The following OCLN variants were observed in gnomAD, a reference collection of about 807,000 sequenced individuals.
OCLN encodes occludin.
OCLN carries 21 observed loss-of-function variants against 47.9 expected under a neutral mutation model. That is an observed-to-expected ratio of 0.44 (90% CI 0.31 to 0.63). The LOEUF is 0.63. Ranked by LOEUF, OCLN falls within the 30% of genes least tolerant of loss-of-function variation. The pLI is 0.08. For missense variants in OCLN, 360 were observed against 571.0 expected (o/e 0.63, Z 3.77); for synonymous variants, 117 against 198.4 (o/e 0.59, Z 3.45).
intron 4 of OCLN, 40 bp downstream of exon 4, chr5:69,514,149 C>A: frequency 6.4e-7 from 1 of 1,566,110 alleles, no homozygotes; most frequent in Non-Finnish European, 8.8e-7. Context: ...TTATTAAAGC[C>A]CCAAATTTGT....
At position 69,554,639 on chromosome 5, in the gene OCLN, G is replaced by A. The variant is rs1208419775; in HGVS notation, c.*968G>A. ...AAAACCACACTCAGGAGTTGTATCT[G>A]TTGTTGTTTATACTCCTTTGGATGC... is the stretch of plus-strand genomic sequence containing the variant. On this transcript the variant is annotated 3_prime_UTR_variant, in exon 9 of 9. Transcript: ENST00000396442. 7 of 151,974 alleles carry A rather than the reference G, an allele frequency of 4.6e-5. No individual in the cohort carries two copies. The highest frequency in any genetic ancestry group is 1.4e-4 in the African/African-American group (6 of 41,410). The allele number at this position is 151,974 out of a possible 1,614,324, so 9.4% of individuals were successfully genotyped here.
At chr5:69,520,648 G>A (rs1769110658) in intron 4 of OCLN, among the ~76,000 whole-genome samples, 1 of 151,832 alleles carries the variant, frequency 6.6e-6, no homozygotes, top group Non-Finnish European at 1.5e-5. Flanking sequence ...TAAATTGGAA[G>A]TATGCTCATA....
intron 4 of OCLN, among the ~76,000 whole-genome samples, chr5:69,518,573 G>A (rs763372294): frequency 5.3e-5 from 8 of 152,186 alleles, no homozygotes; most frequent in Non-Finnish European, 1.2e-4. Flanking sequence ...GGAACAGGCA[G>A]ATGTAGCCTG....
Position 69,493,846 on chromosome 5 carries a change from G to C in OCLN, c.-69+946G>C, listed in dbSNP as rs1019510177. On this transcript the variant is annotated intron_variant, in intron 1 of 8. Coordinates refer to ENST00000396442, the MANE Select transcript of OCLN (RefSeq NM_001205254.2). The surrounding 1 kb of genome is among the most constrained non-coding windows in gnomAD (Gnocchi z 5.3). ...GGTCGAGGGCCAAGATGGCCTCTGC[G>C]CCTAGGGGTTGGGAGCGGCGCCGAG... 3.3e-5 allele frequency among the ~76,000 whole-genome samples: 5 copies of C among 152,196 alleles called. No homozygotes were observed. Among genetic ancestry groups the C allele is most frequent in the African/African-American group, 1.2e-4 (5 of 41,456 alleles).
intron 3 of OCLN, 139 bp downstream of exon 3, chr5:69,509,958 C>G: frequency 1.4e-6 from 1 of 736,964 alleles, no homozygotes. Context: ...GGGGGAGGGG[C>G]TGAGTCTCAT....
At chr5:69,531,281 C>T (rs551703412) in intron 4 of OCLN, among the ~76,000 whole-genome samples, 3 of 152,200 alleles carry the variant, frequency 2.0e-5, no homozygotes, top group South Asian at 4.1e-4. Flanking sequence ...GTTGGTGCCT[C>T]ATCCAGGAGG....
At chr5:69,536,258 A>C (rs1208891339) in intron 5 of OCLN, among the ~76,000 whole-genome samples, 1 of 150,594 alleles carries the variant, frequency 6.6e-6, no homozygotes, top group Non-Finnish European at 1.5e-5. Flanking sequence ...ATTACTGTAC[A>C]CTTTATAAAC....
intron 1 of OCLN, chr5:69,502,281 T>C (rs1352119141): frequency 7.3e-6 from 1 of 136,574 alleles, no homozygotes; most frequent in Non-Finnish European, 1.5e-5. Flanking sequence ...TATTAATGTA[T>C]GATTGTACAG....
At chr5:69,509,025 C>T in intron 2 of OCLN, 116 bp from the exon 3 acceptor site, 1 of 901,640 alleles carries the variant, frequency 1.1e-6, no homozygotes, top group East Asian at 2.5e-5. Context: ...GATTCCTGTG[C>T]ACAGATAAGC....
At chr5:69,509,903 C>T in intron 3 of OCLN, 84 bp downstream of exon 3, 1 of 1,061,012 alleles carries the variant, frequency 9.4e-7, no homozygotes, top group Non-Finnish European at 1.5e-6. Context: ...ACTCTGGAAA[C>T]TCTTAAAAAA....
intron 1 of OCLN, among the ~76,000 whole-genome samples, chr5:69,496,336 G>C (rs1768289391): frequency 6.6e-6 from 1 of 151,956 alleles, no homozygotes; most frequent in South Asian, 2.1e-4. Context: ...CTGACCTCGT[G>C]ATCCTCCCGT....
chr5:69,496,377 C>T (rs996334578), intron 1 of OCLN, among the ~76,000 whole-genome samples: 24 of 152,082 alleles, frequency 1.6e-4, no homozygotes, highest in African/African-American at 5.1e-4. Context: ...GGATTACAGG[C>T]GTGAGCCACC....
In OCLN at chr5:69,510,915, A is replaced by G. The variant is rs533747541; in HGVS notation, c.729+1096A>G. On this transcript the variant is annotated intron_variant, in intron 3 of 8. Transcript: ENST00000396442. ...CTCCACATCCTCACCAACACTTGTTATTGTCTGATTCTAGCCATGCTGATG... is the reference window on the plus strand; with the variant it reads ...CTCCACATCCTCACCAACACTTGTTGTTGTCTGATTCTAGCCATGCTGATG... 2.0e-5 allele frequency among the ~76,000 whole-genome samples: 3 copies of G among 152,220 alleles called. No individual in the cohort carries two copies. In the East Asian group the frequency reaches 5.8e-4, roughly 29 times the overall value.
At chr5:69,520,014 G>A (rs1170877038) in intron 4 of OCLN, among the ~76,000 whole-genome samples, 2 of 151,922 alleles carry the variant, frequency 1.3e-5, no homozygotes, top group Admixed American at 6.6e-5. Flanking sequence ...GCTGGAGTGC[G>A]ATGGCACGAT....
At chr5:69,495,933 C>T (rs1768275352) in intron 1 of OCLN, among the ~76,000 whole-genome samples, 1 of 152,088 alleles carries the variant, frequency 6.6e-6, no homozygotes, top group Admixed American at 6.5e-5. Flanking sequence ...TTATTGTAGA[C>T]AGCAATTCTC....
chr5:69,516,146 G>T (rs949210568), intron 4 of OCLN, among the ~76,000 whole-genome samples: 2 of 151,876 alleles, frequency 1.3e-5, no homozygotes, highest in Non-Finnish European at 2.9e-5. Flanking sequence ...CAAGGCAGGC[G>T]GCTGGGAGGT....
intron 1 of OCLN, among the ~76,000 whole-genome samples, chr5:69,496,181 C>T (rs1334441630): frequency 1.3e-5 from 2 of 151,726 alleles, no homozygotes; most frequent in Non-Finnish European, 2.9e-5. Flanking sequence ...TTACTGCAAG[C>T]TCCGCCTCCC....
chr5:69,527,960 G>T (rs947315981), intron 4 of OCLN, among the ~76,000 whole-genome samples: 1 of 152,150 alleles, frequency 6.6e-6, no homozygotes, highest in Admixed American at 6.6e-5. Context: ...ACAGCGTGCA[G>T]TTGGGTAGGG....
Position 69,554,477 on chromosome 5 carries a change from A to G in OCLN, c.*806A>G, listed in dbSNP as rs1385725887. 1 of 152,056 alleles carries G rather than the reference A, an allele frequency of 6.6e-6. No individual in the cohort carries two copies. Among genetic ancestry groups the G allele is most frequent in the African/African-American group, 2.4e-5 (1 of 41,392 alleles). 9.4% of individuals were successfully genotyped at this position (152,056 alleles called of 1,614,324 possible). A position where few individuals can be genotyped will look rare whatever the true frequency, so the allele number is the denominator to read the frequency against. On this transcript the variant is annotated 3_prime_UTR_variant, in exon 9 of 9. Coordinates refer to ENST00000396442, the MANE Select transcript of OCLN (RefSeq NM_001205254.2). ...TATATCAGAATATCTGATTACATTT[A>G]TAATTCAATTGTGACTTGAACTGTA...
Sources: allele counts gnomAD v4.1 joint callset (sites outside exome capture counted in the v4.1 genomes callset), GRCh38; gene constraint gnomAD v4.1.1; non-coding constraint Gnocchi (gnomAD v3.1); transcripts MANE v1.5; gene names NCBI Gene and HGNC (gene_info 2026-07-23, HGNC 2026-07-21).